Variants in NUP210 observed in about 807,000 individuals in gnomAD.
NUP210 encodes the protein nucleoporin 210.
Under a neutral mutation model 196.0 loss-of-function variants are expected in NUP210, and 151 were observed. The observed-to-expected ratio is 0.77, with a 90% CI of 0.67 to 0.88. The LOEUF is 0.88. Among genes scored for constraint, NUP210 ranks in the 40% least tolerant of loss-of-function variants. NUP210 has a pLI of 0.00. For missense variants in NUP210, 2,314 were observed against 2,493.7 expected (o/e 0.93, Z 1.53); for synonymous variants, 1,070 against 1,052.7 (o/e 1.02, Z -0.32).
intron 1 of NUP210, among the ~76,000 whole-genome samples, chr3:13,402,876 A>G (rs1699884491): frequency 6.6e-6 from 1 of 152,182 alleles, no homozygotes; most frequent in Admixed American, 6.5e-5. Context: ...AATTGGTTAC[A>G]ATGGAGGAGG....
At chr3:13,334,505 T>A (rs1176003248) in intron 28 of NUP210, among the ~76,000 whole-genome samples, 2 of 152,056 alleles carry the variant, frequency 1.3e-5, no homozygotes, top group Non-Finnish European at 2.9e-5. Context: ...TCTTGAAAAG[T>A]TTGCTTCTTT....
At chr3:13,361,751 T>C (rs1240928609) in intron 14 of NUP210, among the ~76,000 whole-genome samples, 1 of 152,172 alleles carries the variant, frequency 6.6e-6, no homozygotes, top group Non-Finnish European at 1.5e-5. Flanking sequence ...CCCTTGTGCA[T>C]TAAACTATTC....
chr3:13,336,428 C>T (rs1364856519), intron 27 of NUP210, among the ~76,000 whole-genome samples: 1 of 152,268 alleles, frequency 6.6e-6, no homozygotes, highest in South Asian at 2.1e-4. Context: ...CAGGGCCCCT[C>T]GCTGGGCTAA....
chr3:13,375,887 T>TCC (rs11408954), intron 10 of NUP210, among the ~76,000 whole-genome samples: 315 of 151,946 alleles, frequency 2.1e-3, no homozygotes, highest in African/African-American at 6.1e-3. Context: ...GGATGTGGTG[T>TCC]CCCCCCCAAC....
At chr3:13,404,107 C>T (rs748307567) in intron 1 of NUP210, among the ~76,000 whole-genome samples, 10 of 152,222 alleles carry the variant, frequency 6.6e-5, no homozygotes, top group Non-Finnish European at 1.5e-4. Context: ...TATCTGACTT[C>T]CTTCCCGGGC....
At chr3:13,341,946 G>C (rs775736325) in intron 22 of NUP210, 50 bp downstream of exon 22, 1 of 1,613,688 alleles carries the variant, frequency 6.2e-7, no homozygotes, top group Non-Finnish European at 8.5e-7. Flanking sequence ...CTGCAGCTGG[G>C]GTCAGCACTG....
chr3:13,380,325 A>G (rs910979116), intron 6 of NUP210, among the ~76,000 whole-genome samples: 1 of 152,210 alleles, frequency 6.6e-6, no homozygotes, highest in Non-Finnish European at 1.5e-5. Context: ...CTGTGGGCAG[A>G]GACCACAAGC....
chr3:13,355,839 A>G (rs1209283179), intron 16 of NUP210, among the ~76,000 whole-genome samples: 1 of 152,212 alleles, frequency 6.6e-6, no homozygotes, highest in Admixed American at 6.5e-5. Flanking sequence ...TGGAAAACCA[A>G]TGCTCCTCCA....
intron 1 of NUP210, among the ~76,000 whole-genome samples, chr3:13,411,490 T>C (rs1414226936): frequency 1.3e-5 from 2 of 152,206 alleles, no homozygotes; most frequent in Non-Finnish European, 2.9e-5. Context: ...AGTGGGGGCA[T>C]AGTATGCAAA....
chr3:13,358,422 C>T (rs750379242), intron 15 of NUP210, 27 bp from the exon 16 acceptor site: 3 of 1,582,854 alleles, frequency 1.9e-6, no homozygotes, highest in Admixed American at 3.4e-5. Context: ...AACAGTCAGA[C>T]CCCCAAGCTT....
chr3:13,386,274 C>T lies in NUP210; in HGVS notation c.817+1G>A. ...TCATGATGGCAGAGCCAATGACACA[C>T]CTGTAATTTTCCCTTGCCTGATCTT... is the stretch of plus-strand genomic sequence containing the variant. On this transcript the variant is annotated splice_donor_variant, in intron 6 of 39. Coordinates refer to ENST00000254508, the MANE Select transcript of NUP210 (RefSeq NM_024923.4). LOFTEE classifies it high-confidence loss of function. 1 of 1,612,600 alleles carries T rather than the reference C, an allele frequency of 6.2e-7. No homozygotes were observed. The highest frequency in any genetic ancestry group is 1.3e-5 in the African/African-American group (1 of 74,994).
chr3:13,339,475 C>T lies in NUP210; in HGVS notation c.3471+379G>A, dbSNP rs77486154. 2.1e-3 allele frequency among the ~76,000 whole-genome samples: 315 copies of T among 152,324 alleles called. 5 individuals are homozygous for T. In the East Asian group the frequency reaches 0.025, roughly 12 times the overall value. On this transcript the variant is annotated intron_variant, in intron 25 of 39. Transcript: ENST00000254508. ...AAGGAGGTCAGGGAGAATGCAAAGG[C>T]CCTGATTTTAGCCCTGAGCCTTGAG...
In NUP210 at chr3:13,378,956, C is replaced by G; in HGVS notation, c.1001G>C (p.Arg334Thr). ...CACGTAGATAGTGCTGTTGGGTAAC[C>G]TAGAAGCACCTTGCATGCGAATACC... ...HRSIRMQGAS[R>T]LPNSTIYVVE... Residue 334 changes from arginine to threonine, a missense_variant, in exon 8 of 40, where the codon AGG becomes ACG. Transcript: ENST00000254508. 1 of 1,614,070 alleles carries G rather than the reference C, an allele frequency of 6.2e-7. No individual in the cohort carries two copies. The highest frequency in any genetic ancestry group is 1.3e-5 in the African/African-American group (1 of 75,042).
rs1576370216 is a variant in NUP210 at position 13,348,696 on chromosome 3, C to A, written c.2835+3183G>T. 1 of 985,416 alleles carries A rather than the reference C, an allele frequency of 1.0e-6. No homozygotes were observed. Among genetic ancestry groups the A allele is most frequent in the Non-Finnish European group, 1.2e-6 (1 of 829,926 alleles). The allele number at this position is 985,416 out of a possible 1,614,324, so 61.0% of individuals were successfully genotyped here. A position where few individuals can be genotyped will look rare whatever the true frequency, so the allele number is the denominator to read the frequency against. On this transcript the variant is annotated intron_variant, in intron 20 of 39. Coordinates refer to ENST00000254508, the MANE Select transcript of NUP210 (RefSeq NM_024923.4). This position sits in a 1 kb window ranked among gnomAD's most constrained non-coding sequence, Gnocchi z 4.0. ...CCTCGCCTCCTCCAGTGTCCTCCAACCACAAGCATGTCCCCAGCTGCTGAG... is the reference window on the plus strand; with the variant it reads ...CCTCGCCTCCTCCAGTGTCCTCCAAACACAAGCATGTCCCCAGCTGCTGAG...
chr3:13,338,701 G>A (rs1697329471), intron 25 of NUP210, among the ~76,000 whole-genome samples: 1 of 152,178 alleles, frequency 6.6e-6, no homozygotes, highest in Admixed American at 6.5e-5. Flanking sequence ...TCCAGGCATG[G>A]ACAAGGCGCC....
At chr3:13,329,011 CCT>C in intron 30 of NUP210, 65 bp from the exon 31 acceptor site, 4 of 1,478,506 alleles carry the variant, frequency 2.7e-6, no homozygotes, top group Non-Finnish European at 3.7e-6. Flanking sequence ...GGAAAACCCA[CCT>C]CCCAAGGAGG....
At chr3:13,331,806 T>C (rs1038045097) in intron 29 of NUP210, among the ~76,000 whole-genome samples, 18 of 152,094 alleles carry the variant, frequency 1.2e-4, no homozygotes, top group African/African-American at 4.3e-4. Context: ...AAGGTAGGAA[T>C]TAGGTTTGCA....
At chr3:13,343,382 G>T (rs936734312) in intron 20 of NUP210, 79 bp from the exon 21 acceptor site, 10 of 1,519,800 alleles carry the variant, frequency 6.6e-6, no homozygotes, top group African/African-American at 1.4e-5. Flanking sequence ...AGGTTTGTGA[G>T]CAGTGCCTCG....
At chr3:13,409,504 T>C (rs903528460) in intron 1 of NUP210, among the ~76,000 whole-genome samples, 3 of 152,216 alleles carry the variant, frequency 2.0e-5, no homozygotes, top group Admixed American at 6.5e-5. Flanking sequence ...TATTCTATGC[T>C]TTCTTATGTG....
Sources: allele counts gnomAD v4.1 joint callset (sites outside exome capture counted in the v4.1 genomes callset), GRCh38; gene constraint gnomAD v4.1.1; non-coding constraint Gnocchi (gnomAD v3.1); transcripts MANE v1.5; gene names NCBI Gene and HGNC (gene_info 2026-07-23, HGNC 2026-07-21).